SHISA9: variants seen among roughly 807,000 people sequenced by gnomAD.
SHISA9 encodes the protein protein shisa-9.
SHISA9 carries 13 observed loss-of-function variants against 38.0 expected under a neutral mutation model. That is an observed-to-expected ratio of 0.34 (90% confidence interval 0.22 to 0.54). The LOEUF (loss-of-function observed/expected upper bound fraction) is 0.54. Among genes scored for constraint, SHISA9 ranks in the 20% least tolerant of loss-of-function variants. The probability of loss-of-function intolerance (pLI) is 0.91; values close to 1 mark genes in which losing one functional copy is unlikely to be tolerated. For missense variants in SHISA9, 538 were observed against 575.8 expected (o/e 0.93, Z 0.67); for synonymous variants, 275 against 242.0 (o/e 1.14, Z -1.27).
intron 2 of SHISA9, among the ~76,000 whole-genome samples, chr16:13,199,736 A>G (rs555200336): frequency 9.2e-5 from 14 of 152,332 alleles, no homozygotes; most frequent in South Asian, 2.1e-4. Context: ...TTGGCCCAGC[A>G]TAGATCACAT....
intron 2 of SHISA9, among the ~76,000 whole-genome samples, chr16:13,009,818 C>A (rs969348224): frequency 1.3e-5 from 2 of 152,188 alleles, no homozygotes; most frequent in African/African-American, 4.8e-5. Flanking sequence ...GAGGCAATTC[C>A]CAGCTACAGC....
At chr16:13,360,873 G>A in the SHISA9 span, among the ~76,000 whole-genome samples, 428 of 152,236 alleles carry the variant, frequency 2.8e-3, 2 homozygotes, top group African/African-American at 9.8e-3. Context: ...TCCTCAGAGG[G>A]CTCCTGGTAA....
At chr16:13,383,545 G>C in the SHISA9 span, among the ~76,000 whole-genome samples, 4 of 152,168 alleles carry the variant, frequency 2.6e-5, no homozygotes, top group African/African-American at 7.2e-5. Context: ...TGGCAATAGT[G>C]ATGTCCTTTG....
At chr16:13,057,465 G>C (rs574432467) in intron 2 of SHISA9, among the ~76,000 whole-genome samples, 1 of 152,058 alleles carries the variant, frequency 6.6e-6, no homozygotes, top group Non-Finnish European at 1.5e-5. Flanking sequence ...GGCGATCTTG[G>C]CTCACTGCAA....
Position 13,190,380 on chromosome 16 carries a change from T to C in SHISA9, c.692-13014T>C, listed in dbSNP as rs572939585. Among the ~76,000 whole-genome samples, 510 of 152,296 alleles carry C rather than the reference T, an allele frequency of 3.3e-3. 3 individuals are homozygous for C. The highest frequency in any genetic ancestry group is 0.012 in the African/African-American group (479 of 41,556). On this transcript the variant is annotated intron_variant, in intron 2 of 4. Transcript: ENST00000558583. ...ATGGTGAGCCACCAAGGGTGAGTTA[T>C]GGGACGTTAGGGATGTTCTGTTTCA...
intron 2 of SHISA9, among the ~76,000 whole-genome samples, chr16:13,185,936 A>G (rs941802677): frequency 4.6e-5 from 7 of 152,228 alleles, no homozygotes; most frequent in African/African-American, 1.7e-4. Context: ...GAAACGAGAT[A>G]GGATCTAACA....
the SHISA9 span, among the ~76,000 whole-genome samples, chr16:13,278,489 T>G: frequency 7.6e-4 from 116 of 152,194 alleles, 2 homozygotes; most frequent in South Asian, 0.024. Context: ...TCAAAAGGAT[T>G]GATACGCATT....
intron 2 of SHISA9, among the ~76,000 whole-genome samples, chr16:13,164,837 A>G (rs1015132534): frequency 2.0e-5 from 3 of 152,140 alleles, no homozygotes; most frequent in Non-Finnish European, 4.4e-5. Context: ...AGATTTCACA[A>G]TAGAGTTTGG....
chr16:13,071,579 C>CCCTT lies in SHISA9; in HGVS notation c.692-131796_692-131793dup, dbSNP rs766277143. The stretch of plus-strand genomic sequence containing the variant: ...CTTTTTCCTTCCTTCCTCCCTTCCT[C>CCCTT]CCTTCCTTCCTTCCTTCCTTCCCTT... On this transcript the variant is annotated intron_variant, in intron 2 of 4. Transcript: ENST00000558583. Among the ~76,000 whole-genome samples, 669 of 113,444 alleles carry CCCTT rather than the reference C, an allele frequency of 5.9e-3. 11 individuals are homozygous for CCCTT. Among genetic ancestry groups the CCCTT allele is most frequent in the African/African-American group, 0.033 (550 of 16,836 alleles). 74.4% of individuals were successfully genotyped at this position (113,444 alleles called of 152,430 possible).
chr16:13,486,089 G>A, the SHISA9 span, among the ~76,000 whole-genome samples: 1 of 152,172 alleles, frequency 6.6e-6, no homozygotes, highest in African/African-American at 2.4e-5. Flanking sequence ...AGAAACAGGG[G>A]ACCCCATTCC....
At chr16:13,046,643 A>G (rs1380786933) in intron 2 of SHISA9, among the ~76,000 whole-genome samples, 2 of 152,154 alleles carry the variant, frequency 1.3e-5, no homozygotes, top group East Asian at 3.8e-4. Flanking sequence ...ATGGCTCCCT[A>G]TTGCTTTAAC....
the SHISA9 span, among the ~76,000 whole-genome samples, chr16:13,440,621 G>A: frequency 5.9e-5 from 9 of 152,120 alleles, no homozygotes; most frequent in Non-Finnish European, 2.9e-5. Flanking sequence ...ACCTGTGTGT[G>A]CTTTGATTAA....
chr16:13,109,291 G>T (rs915328814), intron 2 of SHISA9, among the ~76,000 whole-genome samples: 3 of 152,096 alleles, frequency 2.0e-5, no homozygotes, highest in Admixed American at 6.6e-5. Context: ...TTCCTAAGTA[G>T]CTGGAACTGC....
At chr16:13,496,644 A>G in the SHISA9 span, among the ~76,000 whole-genome samples, 10 of 152,134 alleles carry the variant, frequency 6.6e-5, no homozygotes, top group South Asian at 4.1e-4. Context: ...TGAGCTGGAA[A>G]AAAATTGGAA....
rs184453572 is a variant in SHISA9, at chr16:13,118,938, G to T, written c.692-84456G>T. ...GTAGAGACGGGGTTTCTCCTTGTTGGCCAGGCTGGTCTTGAACTCCTGACC... is the reference window on the plus strand; with the variant it reads ...GTAGAGACGGGGTTTCTCCTTGTTGTCCAGGCTGGTCTTGAACTCCTGACC... On this transcript the variant is annotated intron_variant, in intron 2 of 4. Transcript: ENST00000558583. Among the ~76,000 whole-genome samples the T allele has an allele frequency of 2.2e-3, 336 of 151,952 alleles. 3 individuals carry two copies. The highest frequency in any genetic ancestry group is 7.9e-3 in the African/African-American group (328 of 41,438).
At chr16:13,371,480 G>A in the SHISA9 span, among the ~76,000 whole-genome samples, 1 of 152,300 alleles carries the variant, frequency 6.6e-6, no homozygotes, top group Non-Finnish European at 1.5e-5. Flanking sequence ...TTCATTTGAT[G>A]TGGGGTGGAG....
chr16:13,495,543 G>T, the SHISA9 span, among the ~76,000 whole-genome samples: 3 of 151,792 alleles, frequency 2.0e-5, no homozygotes, highest in Admixed American at 6.6e-5. Context: ...ATGGGATAAT[G>T]GTCATTTTTA....
chr16:13,550,744 A>G, the SHISA9 span, among the ~76,000 whole-genome samples: 4 of 152,228 alleles, frequency 2.6e-5, no homozygotes, highest in African/African-American at 4.8e-5. Context: ...AGTGACTAAT[A>G]AAAGTTTTCC....
chr16:13,103,997 C>A (rs1477843238), intron 2 of SHISA9, among the ~76,000 whole-genome samples: 1 of 152,132 alleles, frequency 6.6e-6, no homozygotes, highest in East Asian at 1.9e-4. Flanking sequence ...GAAAACACAG[C>A]CATTAGTTTC....
Sources: gnomAD v4.1 joint callset for allele counts (sites outside exome capture counted in the v4.1 genomes callset) on GRCh38, gnomAD v4.1.1 for gene constraint, MANE v1.5 for transcripts, NCBI Gene and HGNC (gene_info 2026-07-23, HGNC 2026-07-21) for gene names.